The following NFYA variants were observed in gnomAD, a reference collection of about 807,000 sequenced individuals.
NFYA encodes nuclear transcription factor Y subunit alpha.
A neutral mutation model predicts 52.8 loss-of-function variants in NFYA; 28 were observed. The ratio of observed to expected loss-of-function variants is 0.53; its 90% CI spans 0.39 to 0.73. The LOEUF is 0.73. Among genes scored for constraint, NFYA ranks in the 30% least tolerant of loss-of-function variants. The pLI is 0.00. For synonymous variants in NFYA, 150 were observed against 150.7 expected (o/e 1.00, Z 0.03); for missense variants, 234 against 427.0 (o/e 0.55, Z 3.98).
At chr6:41,076,484 A>G (rs1763735764) in intron 1 of NFYA, among the ~76,000 whole-genome samples, 1 of 152,194 alleles carries the variant, frequency 6.6e-6, no homozygotes, top group Admixed American at 6.5e-5. Context: ...TGCTTACACT[A>G]GTTGAGTTTC....
chr6:41,083,813 A>G (rs528385734), intron 3 of NFYA, among the ~76,000 whole-genome samples: 39 of 152,342 alleles, frequency 2.6e-4, no homozygotes, highest in African/African-American at 7.9e-4. Context: ...AGACTTCTCA[A>G]AGACTCTGGA....
intron 4 of NFYA, among the ~76,000 whole-genome samples, chr6:41,087,962 G>C (rs1412404529): frequency 6.6e-6 from 1 of 151,894 alleles, no homozygotes; most frequent in East Asian, 1.9e-4. Context: ...TCCAATCCTA[G>C]GACCAAATAG....
chr6:41,096,089 G>T (rs1031050285), intron 9 of NFYA, among the ~76,000 whole-genome samples: 1 of 151,862 alleles, frequency 6.6e-6, no homozygotes, highest in Non-Finnish European at 1.5e-5. Flanking sequence ...TGGTTAAAGT[G>T]TTTTTTTTAA....
intron 1 of NFYA, chr6:41,075,494 G>A: frequency 6.6e-6 from 1 of 151,782 alleles, no homozygotes; most frequent in South Asian, 2.1e-4. Context: ...GCTTCCACCA[G>A]TCTGCAGAAG....
Position 41,100,527 on chromosome 6 carries a change from G to C in NFYA, c.*3117G>C, listed in dbSNP as rs1004931431. ...AGCCCGAGGAAGCACTCAATGATGA[G>C]AGCAGTAGACCTGCCCTGGCAGATG... On this transcript the variant is annotated 3_prime_UTR_variant, in exon 10 of 10. Transcript: ENST00000341376. Among the ~76,000 whole-genome samples, 1 of 152,158 alleles carries C rather than the reference G, an allele frequency of 6.6e-6. No homozygotes were observed. The highest frequency in any genetic ancestry group is 1.9e-4 in the East Asian group (1 of 5,178).
At chr6:41,073,525 T>C (rs1012361855) in intron 1 of NFYA, among the ~76,000 whole-genome samples, 35 of 151,890 alleles carry the variant, frequency 2.3e-4, no homozygotes, top group African/African-American at 8.0e-4. Context: ...CTCTCCACTC[T>C]CCGGCCCTTG....
chr6:41,090,173 G>A (rs2113812720), intron 5 of NFYA, 31 bp from the exon 6 acceptor site: 1 of 1,417,122 alleles, frequency 7.1e-7, no homozygotes, highest in South Asian at 1.2e-5. Flanking sequence ...TTTGGGATCT[G>A]TTGAATTGTG....
Position 41,097,412 on chromosome 6 carries a change from C to CGATG in NFYA, c.*2_*3insGATG. ...ACACAGATCATCCGAGTGTCCTAAC[C>CGATG]CCACGCCATGTGATGGAGCTGATCA... On this transcript the variant is annotated 3_prime_UTR_variant, in exon 10 of 10. Coordinates refer to ENST00000341376, the MANE Select transcript of NFYA (RefSeq NM_002505.5). 1 of 1,613,900 alleles carries CGATG rather than the reference C, an allele frequency of 6.2e-7. No homozygotes were observed. The highest frequency in any genetic ancestry group is 2.2e-5 in the East Asian group (1 of 44,874).
In NFYA at chr6:41,094,479, G is replaced by A. The variant is rs767596771; in HGVS notation, c.972G>A (p.Lys324=). Residue 324 remains lysine (K), a synonymous_variant, in exon 9 of 10, where the codon AAG becomes AAA. Transcript: ENST00000341376. ...EGGRFFSPKE[K]DSPHMQDPNQ... ...GACGATTTTTCTCTCCAAAGGAAAA[G>A]GATAGTCCCCATATGCAGGTAGGAA... 3.6e-5 allele frequency: 58 copies of A among 1,613,912 alleles called. No homozygotes were observed. Among genetic ancestry groups the A allele is most frequent in the Non-Finnish European group, 3.8e-5 (45 of 1,179,858 alleles).
Position 41,089,574 on chromosome 6 carries a change from T to C in NFYA, c.310-5T>C. 6.2e-7 allele frequency: 1 copy of C among 1,603,660 alleles called. No homozygotes were observed. Among genetic ancestry groups the C allele is most frequent in the Non-Finnish European group, 8.5e-7 (1 of 1,176,138 alleles). The stretch of plus-strand genomic sequence containing the variant: ...ACAATCCTTTTTTTATGTTCTTTTC[T>C]GCAGATACAGTTGGTCCCACCTGGA... On this transcript the variant is annotated splice_polypyrimidine_tract_variant and splice_region_variant and intron_variant, in intron 4 of 9. Transcript: ENST00000341376.
intron 3 of NFYA, among the ~76,000 whole-genome samples, chr6:41,082,597 C>G (rs1304650565): frequency 6.6e-6 from 1 of 152,132 alleles, no homozygotes; most frequent in Non-Finnish European, 1.5e-5. Flanking sequence ...TTCCTACTTA[C>G]ATAGATTTTA....
intron 4 of NFYA, among the ~76,000 whole-genome samples, chr6:41,089,008 C>T (rs776798764): frequency 7.2e-5 from 11 of 151,956 alleles, no homozygotes; most frequent in Admixed American, 1.3e-4. Context: ...TTTTTTGAGA[C>T]GGAATCTCGC....
chr6:41,097,085 G>A (rs1265380187), intron 9 of NFYA, among the ~76,000 whole-genome samples: 1 of 152,104 alleles, frequency 6.6e-6, no homozygotes, highest in East Asian at 1.9e-4. Context: ...AACAACACAA[G>A]GTTCTTAGGA....
chr6:41,095,401 G>T (rs1161443560), intron 9 of NFYA, among the ~76,000 whole-genome samples: 1 of 152,042 alleles, frequency 6.6e-6, no homozygotes, highest in African/African-American at 2.4e-5. Flanking sequence ...CTATCTGTTA[G>T]GTCTGGGTTT....
chr6:41,092,363 C>T (rs1021653170), intron 7 of NFYA, among the ~76,000 whole-genome samples: 2 of 151,960 alleles, frequency 1.3e-5, no homozygotes, highest in African/African-American at 2.4e-5. Context: ...CTCGTTTCTA[C>T]GAATTGAATG....
chr6:41,089,628 T>C lies in NFYA; in HGVS notation c.359T>C (p.Val120Ala). The change falls in exon 5 of 10, where the codon GTG becomes GCG. Residue 120 changes from valine (V) to alanine (A), a missense_variant. This residue lies in a region of NFYA where 118 missense variants were observed against 182.4 expected (regional missense o/e 0.65). Transcript: ENST00000341376. Reference protein sequence around the residue: ...GQIQIQGGQAVQVQGQQGQTQ... With the variant: ...GQIQIQGGQAAQVQGQQGQTQ... ...ATCCAGATCCAGGGTGGACAGGCTGTGCAGGTGCAGGGCCAGCAGGGCCAG... is the reference window on the plus strand; with the variant it reads ...ATCCAGATCCAGGGTGGACAGGCTGCGCAGGTGCAGGGCCAGCAGGGCCAG... 6.2e-7 allele frequency: 1 copy of C among 1,612,728 alleles called. No homozygotes were observed. Among genetic ancestry groups the C allele is most frequent in the Non-Finnish European group, 8.5e-7 (1 of 1,180,018 alleles).
intron 1 of NFYA, among the ~76,000 whole-genome samples, chr6:41,074,075 C>T (rs749845209): frequency 2.4e-4 from 36 of 152,226 alleles, no homozygotes; most frequent in Non-Finnish European, 1.5e-5. Flanking sequence ...TGTGAAATCT[C>T]CCTCCCTTGG....
chr6:41,097,105 A>G (rs989120377), intron 9 of NFYA, among the ~76,000 whole-genome samples: 10 of 152,222 alleles, frequency 6.6e-5, no homozygotes, highest in African/African-American at 2.4e-4. Flanking sequence ...AAAGAGATAC[A>G]CTAACAGCCC....
intron 9 of NFYA, 133 bp downstream of exon 9, chr6:41,094,630 T>A: frequency 1.6e-6 from 1 of 631,218 alleles, no homozygotes; most frequent in East Asian, 2.8e-5. Flanking sequence ...TGCAATCTTA[T>A]GTCTCTTTAG....
Sources: gnomAD v4.1 joint callset for allele counts (sites outside exome capture counted in the v4.1 genomes callset) on GRCh38, gnomAD v4.1.1 for gene constraint, gnomAD v4.1.1 regional missense constraint, MANE v1.5 for transcripts, NCBI Gene and HGNC (gene_info 2026-07-23, HGNC 2026-07-21) for gene names.